The following ADK variants were observed in gnomAD, a reference collection of about 807,000 sequenced individuals.
ADK encodes adenosine kinase.
A neutral mutation model predicts 44.7 loss-of-function variants in ADK; 24 were observed. The observed-to-expected ratio is 0.54, with a 90% CI of 0.39 to 0.76. The LOEUF (loss-of-function observed/expected upper bound fraction) is 0.76. Ranked by LOEUF, ADK falls within the 30% of genes least tolerant of loss-of-function variation. ADK has a pLI of 0.00. For missense variants in ADK, 321 were observed against 425.1 expected, an observed-to-expected ratio of 0.76 and a Z score of 2.15; for synonymous variants, 128 against 142.6, an observed-to-expected ratio of 0.90 and a Z score of 0.73.
chr10:74,691,142 T>C (rs1055228674), intron 10 of ADK, among the ~76,000 whole-genome samples: 4 of 152,076 alleles, frequency 2.6e-5, no homozygotes, highest in African/African-American at 9.7e-5. Context: ...GTATAGGAGG[T>C]AAGTTTAACA....
intron 6 of ADK, among the ~76,000 whole-genome samples, chr10:74,455,263 C>T (rs1024227279): frequency 6.6e-5 from 10 of 151,912 alleles, no homozygotes; most frequent in East Asian, 1.9e-4. Context: ...CAACACTTTA[C>T]GAGGCTGAGG....
chr10:74,436,544 C>A (rs1308445114), intron 6 of ADK, among the ~76,000 whole-genome samples: 1 of 151,274 alleles, frequency 6.6e-6, no homozygotes, highest in Non-Finnish European at 1.5e-5. Flanking sequence ...ATATTGTAAC[C>A]CTTAGGGCAA....
At chr10:74,525,169 T>A (rs1229614618) in intron 6 of ADK, 87 bp from the exon 7 acceptor site, 1 of 1,277,804 alleles carries the variant, frequency 7.8e-7, no homozygotes, top group East Asian at 2.3e-5. Context: ...TATATACTTT[T>A]GTATTTTGTA....
intron 6 of ADK, among the ~76,000 whole-genome samples, chr10:74,470,884 C>T (rs551991187): frequency 2.0e-5 from 3 of 151,720 alleles, no homozygotes; most frequent in Non-Finnish European, 4.4e-5. Flanking sequence ...ACTTTTTTCT[C>T]CAGTGTTTTC....
At chr10:74,284,358 A>G (rs1847073962) in intron 3 of ADK, among the ~76,000 whole-genome samples, 1 of 136,430 alleles carries the variant, frequency 7.3e-6, no homozygotes, top group African/African-American at 2.8e-5. Context: ...TCTCCCTCCC[A>G]GGTTCAAGTG....
chr10:74,229,875 A>G (rs1844688538), intron 3 of ADK, among the ~76,000 whole-genome samples: 1 of 151,878 alleles, frequency 6.6e-6, no homozygotes, highest in Non-Finnish European at 1.5e-5. Context: ...TTGTCTCTAC[A>G]AAAAGTTAAC....
chr10:74,376,848 A>G (rs1191623040), intron 4 of ADK, among the ~76,000 whole-genome samples: 1 of 150,704 alleles, frequency 6.6e-6, no homozygotes, highest in East Asian at 1.9e-4. Flanking sequence ...TTCCAGGAGA[A>G]TATCTCACTT....
chr10:74,630,205 TAATA>T (rs1291631827), intron 9 of ADK, among the ~76,000 whole-genome samples: 3 of 152,086 alleles, frequency 2.0e-5, no homozygotes, highest in Non-Finnish European at 4.4e-5. Flanking sequence ...ACCAAGGAGT[TAATA>T]AATAGGTAGA....
At chr10:74,199,406 A>G (rs1843289811) in intron 1 of ADK, among the ~76,000 whole-genome samples, 1 of 152,082 alleles carries the variant, frequency 6.6e-6, no homozygotes. Flanking sequence ...CTGCGTACCC[A>G]GTGTTTAGCT....
At chr10:74,195,874 G>A (rs1288214559) in intron 1 of ADK, among the ~76,000 whole-genome samples, 5 of 151,374 alleles carry the variant, frequency 3.3e-5, no homozygotes, top group Non-Finnish European at 7.4e-5. Flanking sequence ...ATGGAGTCTC[G>A]CCATGTTGCC....
intron 2 of ADK, among the ~76,000 whole-genome samples, chr10:74,223,391 G>A (rs1004501197): frequency 1.3e-5 from 2 of 152,142 alleles, no homozygotes; most frequent in Non-Finnish European, 2.9e-5. Context: ...ATATTGCCCC[G>A]TTGGGGATTA....
At chr10:74,580,255 G>C (rs568656680) in intron 7 of ADK, among the ~76,000 whole-genome samples, 1 of 152,230 alleles carries the variant, frequency 6.6e-6, no homozygotes, top group South Asian at 2.1e-4. Context: ...TAGTGTATAA[G>C]TCTCATGAGA....
intron 3 of ADK, among the ~76,000 whole-genome samples, chr10:74,245,057 A>T (rs550962151): frequency 6.6e-6 from 1 of 152,212 alleles, no homozygotes; most frequent in East Asian, 1.9e-4. Context: ...GATGCTTGTT[A>T]TAAGTATTTG....
At chr10:74,557,023 A>G (rs921108670) in intron 7 of ADK, among the ~76,000 whole-genome samples, 2 of 152,228 alleles carry the variant, frequency 1.3e-5, no homozygotes, top group African/African-American at 4.8e-5. Flanking sequence ...CTTTCTAACC[A>G]TTAATAAGCA....
At chr10:74,177,055 C>G (rs931235558) in intron 1 of ADK, among the ~76,000 whole-genome samples, 1 of 152,228 alleles carries the variant, frequency 6.6e-6, no homozygotes, top group Non-Finnish European at 1.5e-5. Context: ...CTGCTTTCCT[C>G]AGAAGTTTTC....
Position 74,347,106 on chromosome 10 carries a change from CAAAAAAAAAAAAAAAAAAA to C in ADK, c.273+32379_273+32397del, listed in dbSNP as rs58074760. On this transcript the variant is annotated intron_variant, in intron 4 of 10. Coordinates refer to ENST00000539909, the MANE Select transcript of ADK (RefSeq NM_006721.4). ...TGGGCGACAGAGCGACACTCTGTCT[CAAAAAAAAAAAAAAAAAAA>C]AAAAAAAAAAAAAAAAAGATGGCCG... Among the ~76,000 whole-genome samples the C allele has an allele frequency of 1.1e-4, 10 of 92,302 alleles. 1 individual carries two copies. Among genetic ancestry groups the C allele is most frequent in the South Asian group, 7.5e-4 (2 of 2,650 alleles). 60.6% of individuals were successfully genotyped at this position (92,302 alleles called of 152,430 possible). A position where few individuals can be genotyped will look rare whatever the true frequency, so the allele number is the denominator to read the frequency against.
chr10:74,557,538 A>G (rs1028380326), intron 7 of ADK, among the ~76,000 whole-genome samples: 3 of 152,184 alleles, frequency 2.0e-5, no homozygotes, highest in African/African-American at 4.8e-5. Context: ...CCACATCTCA[A>G]TCTTTGTTAT....
rs373551109 is a variant in ADK at position 74,648,321 on chromosome 10, GT to G, written c.878-21861del. ...GAAGAAATAAAGAACTCCTGTAAAGGTATCTATATAAGTAAATATAAAAACC... is the reference window on the plus strand; with the variant it reads ...GAAGAAATAAAGAACTCCTGTAAAGGATCTATATAAGTAAATATAAAAACC... On this transcript the variant is annotated intron_variant, in intron 9 of 10. Coordinates refer to ENST00000539909, the MANE Select transcript of ADK (RefSeq NM_006721.4). Among the ~76,000 whole-genome samples, 974 of 152,222 alleles carry G rather than the reference GT, an allele frequency of 6.4e-3. 12 individuals are homozygous for G. The highest frequency in any genetic ancestry group is 0.022 in the African/African-American group (927 of 41,532).
chr10:74,676,495 G>A (rs139640091), intron 10 of ADK, among the ~76,000 whole-genome samples: 3,300 of 152,114 alleles, frequency 0.022, 66 homozygotes, highest in Non-Finnish European at 0.038. Flanking sequence ...TTTGGAGGGG[G>A]AGATGGGGTC....
Sources: gnomAD v4.1 joint callset for allele counts (sites outside exome capture counted in the v4.1 genomes callset) on GRCh38, gnomAD v4.1.1 for gene constraint, MANE v1.5 for transcripts, NCBI Gene and HGNC (gene_info 2026-07-23, HGNC 2026-07-21) for gene names.